CMC1: variants seen among roughly 807,000 people sequenced by gnomAD.
CMC1 encodes the protein C-X9-C motif containing 1.
In CMC1, 14 loss-of-function variants were observed where a neutral mutation model predicts 14.1. The observed-to-expected ratio is 0.99, with a 90% confidence interval of 0.66 to 1.55. CMC1 has a LOEUF of 1.55. CMC1 is among the 40% of genes most tolerant of loss of function. The pLI, the probability that CMC1 is intolerant of heterozygous loss-of-function variation, is 0.00. For missense variants in CMC1, 127 were observed against 123.8 expected (o/e 1.03, Z -0.12); for synonymous variants, 50 against 38.4 (o/e 1.30, Z -1.12).
rs556944484 is a variant in CMC1 at position 28,256,201 on chromosome 3, G to A, written c.20-7090G>A. Among the ~76,000 whole-genome samples the A allele has an allele frequency of 5.8e-3, 860 of 147,842 alleles. 9 individuals are homozygous for A. Among genetic ancestry groups the A allele is most frequent in the Middle Eastern group, 0.011 (3 of 284 alleles). On this transcript the variant is annotated intron_variant, in intron 1 of 3. Coordinates refer to ENST00000466830, the MANE Select transcript of CMC1 (RefSeq NM_182523.2). ...CACACATATGCATATATGTGTGTGT[G>A]TATATATATATATATATGTATACGT...
chr3:28,320,667 G>A lies in CMC1; in HGVS notation c.*1038G>A, dbSNP rs530446713. 2.0e-5 allele frequency: 3 copies of A among 151,294 alleles called. No homozygotes were observed. The South Asian group carries it at 6.2e-4, about 31-fold the overall frequency. The allele number at this position is 151,294 out of a possible 1,614,324, so 9.4% of individuals were successfully genotyped here. A position where few individuals can be genotyped will look rare whatever the true frequency, so the allele number is the denominator to read the frequency against. ...GATGTAGAATTTTCTAAAACATAAT[G>A]TTCTTAACCTGATAACTTGTTAGTC... is the stretch of plus-strand genomic sequence containing the variant. On this transcript the variant is annotated 3_prime_UTR_variant, in exon 4 of 4. Transcript: ENST00000466830.
intron 2 of CMC1, among the ~76,000 whole-genome samples, chr3:28,277,705 T>C (rs1700653087): frequency 6.6e-6 from 1 of 152,164 alleles, no homozygotes; most frequent in African/African-American, 2.4e-5. Context: ...CAGATATCTC[T>C]GAGAAGAATG....
chr3:28,315,405 C>T (rs1425111105), intron 2 of CMC1, among the ~76,000 whole-genome samples: 1 of 152,120 alleles, frequency 6.6e-6, no homozygotes, highest in East Asian at 1.9e-4. Flanking sequence ...GAAGTATCTA[C>T]AGCACCTAGA....
intron 2 of CMC1, among the ~76,000 whole-genome samples, chr3:28,273,608 T>C (rs931568743): frequency 2.0e-5 from 3 of 152,212 alleles, no homozygotes; most frequent in African/African-American, 7.2e-5. Flanking sequence ...TGTAGATAAC[T>C]GTCAGGTTCA....
intron 2 of CMC1, among the ~76,000 whole-genome samples, chr3:28,274,346 A>C (rs1700470251): frequency 6.6e-6 from 1 of 150,822 alleles, no homozygotes; most frequent in East Asian, 2.0e-4. Flanking sequence ...GTCTGAAAAG[A>C]ATCTTGTTTC....
At chr3:28,257,199 T>C (rs1699458197) in intron 1 of CMC1, among the ~76,000 whole-genome samples, 1 of 152,200 alleles carries the variant, frequency 6.6e-6, no homozygotes, top group Non-Finnish European at 1.5e-5. Flanking sequence ...TTACAGATCT[T>C]AAATGAGTTT....
At chr3:28,280,172 G>A (rs925105039) in intron 2 of CMC1, among the ~76,000 whole-genome samples, 1 of 152,114 alleles carries the variant, frequency 6.6e-6, no homozygotes, top group Non-Finnish European at 1.5e-5. Flanking sequence ...TTAATATTAT[G>A]TTCTAGAACA....
chr3:28,261,331 G>C (rs904652039), intron 1 of CMC1, among the ~76,000 whole-genome samples: 1 of 151,992 alleles, frequency 6.6e-6, no homozygotes, highest in Non-Finnish European at 1.5e-5. Context: ...ACCTGAGTGT[G>C]GGCTATCCTT....
chr3:28,321,676 T>C lies in CMC1; in HGVS notation c.*2047T>C, dbSNP rs967074478. ...CCTTTCTGAATTAAGATCAGTACTT[T>C]GTTGTCACATGATTCAGCTCTTCAA... On this transcript the variant is annotated 3_prime_UTR_variant, in exon 4 of 4. Coordinates refer to ENST00000466830, the MANE Select transcript of CMC1 (RefSeq NM_182523.2). 2.6e-5 allele frequency: 4 copies of C among 151,398 alleles called. No homozygotes were observed. The highest frequency in any genetic ancestry group is 5.9e-5 in the Non-Finnish European group (4 of 67,554). 9.4% of individuals were successfully genotyped at this position (151,398 alleles called of 1,614,324 possible).
At chr3:28,269,602 G>A (rs976555455) in intron 2 of CMC1, among the ~76,000 whole-genome samples, 2 of 149,796 alleles carry the variant, frequency 1.3e-5, no homozygotes, top group Admixed American at 6.7e-5. Context: ...GTCTCTCTCT[G>A]TTGCCTAAGC....
intron 1 of CMC1, among the ~76,000 whole-genome samples, chr3:28,251,079 G>T (rs2053583791): frequency 6.6e-6 from 1 of 152,118 alleles, no homozygotes; most frequent in South Asian, 2.1e-4. Flanking sequence ...TTTGTTTTAT[G>T]TTGCTATAAA....
intron 2 of CMC1, among the ~76,000 whole-genome samples, chr3:28,269,194 G>T (rs1188674511): frequency 6.6e-6 from 1 of 152,178 alleles, no homozygotes; most frequent in African/African-American, 2.4e-5. Context: ...AGGGGGCTTA[G>T]AACGTATCCC....
At position 28,324,280 on chromosome 3, in the gene CMC1, G is replaced by C; in HGVS notation, c.*4651G>C. 6.2e-7 allele frequency: 1 copy of C among 1,608,722 alleles called. No individual in the cohort carries two copies. Among genetic ancestry groups the C allele is most frequent in the Non-Finnish European group, 8.5e-7 (1 of 1,176,408 alleles). On this transcript the variant is annotated 3_prime_UTR_variant, in exon 4 of 4. Transcript: ENST00000466830. ...ATTGTCTGTCCATGATTGGAGGATT[G>C]CTTTCTCTGATAAAACCTTTACATC...
intron 2 of CMC1, among the ~76,000 whole-genome samples, chr3:28,301,906 AC>A (rs1320163171): frequency 6.6e-6 from 1 of 151,616 alleles, no homozygotes; most frequent in Admixed American, 6.6e-5. Flanking sequence ...ACACACACCA[AC>A]CCCCATCAAC....
At chr3:28,308,367 C>A (rs1702443785) in intron 2 of CMC1, among the ~76,000 whole-genome samples, 1 of 151,962 alleles carries the variant, frequency 6.6e-6, no homozygotes, top group Admixed American at 6.6e-5. Context: ...ATAATGGAAG[C>A]TTTATTTCAC....
At chr3:28,296,713 C>CT (rs1466009638) in intron 2 of CMC1, among the ~76,000 whole-genome samples, 5 of 151,952 alleles carry the variant, frequency 3.3e-5, no homozygotes, top group Non-Finnish European at 7.4e-5. Context: ...TAAGTAGCTT[C>CT]TAAGATGAAC....
intron 2 of CMC1, among the ~76,000 whole-genome samples, chr3:28,280,490 G>A (rs1577037001): frequency 6.6e-6 from 1 of 152,136 alleles, no homozygotes; most frequent in African/African-American, 2.4e-5. Flanking sequence ...GTAATGTATA[G>A]TGTTGACAAG....
intron 2 of CMC1, among the ~76,000 whole-genome samples, chr3:28,277,184 T>A (rs77295276): frequency 6.6e-6 from 1 of 152,176 alleles, no homozygotes; most frequent in Non-Finnish European, 1.5e-5. Flanking sequence ...GAATATTAAA[T>A]AAAGGTGATA....
intron 1 of CMC1, among the ~76,000 whole-genome samples, chr3:28,259,565 T>C (rs112029624): frequency 0.017 from 2,525 of 152,296 alleles, 73 homozygotes; most frequent in African/African-American, 0.056. Context: ...CACCACTTTT[T>C]ACATGCATTT....
Sources: allele counts gnomAD v4.1 joint callset (sites outside exome capture counted in the v4.1 genomes callset), GRCh38; gene constraint gnomAD v4.1.1; transcripts MANE v1.5; gene names NCBI Gene and HGNC (gene_info 2026-07-23, HGNC 2026-07-21).